Variants in LIMCH1 observed in about 807,000 individuals in gnomAD.
The protein encoded by LIMCH1 is LIM and calponin homology domains-containing protein 1.
LIMCH1 carries 113 observed loss-of-function variants against 176.5 expected under a neutral mutation model. That is an observed-to-expected ratio of 0.64 (90% CI 0.55 to 0.75). The LOEUF (loss-of-function observed/expected upper bound fraction) is 0.75. LIMCH1 is among the 30% of genes least tolerant of loss of function. LIMCH1 has a pLI of 0.00. For missense variants in LIMCH1, 1,674 were observed against 1,814.9 expected, an observed-to-expected ratio of 0.92 and a Z score of 1.41; for synonymous variants, 619 against 645.9, an observed-to-expected ratio of 0.96 and a Z score of 0.63.
In LIMCH1 at chr4:41,680,050, A is replaced by G. The variant is rs200274033; in HGVS notation, c.3564A>G (p.Glu1188=). Residue 1188 remains glutamate, a synonymous_variant, in exon 24 of 32, where the codon GAA becomes GAG. Transcript: ENST00000503057. ...AGGACAAGCTGAAAGAAGAGTGGGA[A>G]AAGGCCCAAAAGGAGGTGGAAGAGG... is the stretch of plus-strand genomic sequence containing the variant. ...KEQDKLKEEW[E]KAQKEVEEEE... is the part of the protein sequence containing the mutation. 1.6e-5 allele frequency: 26 copies of G among 1,610,666 alleles called. No homozygotes were observed. The East Asian group carries it at 4.7e-4, about 29-fold the overall frequency.
chr4:41,578,238 A>G (rs1490721184), intron 1 of LIMCH1, among the ~76,000 whole-genome samples: 3 of 152,178 alleles, frequency 2.0e-5, no homozygotes, highest in South Asian at 2.1e-4. Flanking sequence ...CACATCTTAC[A>G]TGGCAGCAGG....
chr4:41,502,998 T>TGTCC (rs1554075717), intron 2 of LIMCH1, among the ~76,000 whole-genome samples: 5 of 60,682 alleles, frequency 8.2e-5, no homozygotes, highest in African/African-American at 2.6e-4. Context: ...CTGGTCTGTC[T>TGTCC]GTCCATCCAT....
At chr4:41,621,977 T>A (rs1561957316) in intron 7 of LIMCH1, among the ~76,000 whole-genome samples, 6 of 145,792 alleles carry the variant, frequency 4.1e-5, no homozygotes, top group African/African-American at 1.5e-4. Flanking sequence ...ACCTTTGTAT[T>A]AAAAAAAAAA....
At chr4:41,403,375 G>A (rs1210154603) in intron 1 of LIMCH1, among the ~76,000 whole-genome samples, 6 of 152,122 alleles carry the variant, frequency 3.9e-5, no homozygotes, top group Admixed American at 3.9e-4. Flanking sequence ...GAGCTCAGGA[G>A]TTCAAGACCA....
At chr4:41,648,284 T>G (rs979237940) in intron 17 of LIMCH1, among the ~76,000 whole-genome samples, 1 of 152,186 alleles carries the variant, frequency 6.6e-6, no homozygotes. Flanking sequence ...ATCTAAATAG[T>G]GCAAAGTGAT....
At chr4:41,596,658 A>G (rs1023880691) in intron 1 of LIMCH1, among the ~76,000 whole-genome samples, 1 of 152,160 alleles carries the variant, frequency 6.6e-6, no homozygotes, top group African/African-American at 2.4e-5. Flanking sequence ...TTTTCTACCT[A>G]GGACAGTGTC....
chr4:41,416,183 C>T (rs183501940), intron 1 of LIMCH1, among the ~76,000 whole-genome samples: 5 of 152,286 alleles, frequency 3.3e-5, no homozygotes, highest in African/African-American at 1.2e-4. Context: ...ATGAACCTCA[C>T]ACCTGATTTG....
chr4:41,695,235 A>C (rs1380322012), intron 31 of LIMCH1, among the ~76,000 whole-genome samples: 1 of 151,244 alleles, frequency 6.6e-6, no homozygotes, highest in Non-Finnish European at 1.5e-5. Context: ...ATATAAAAGA[A>C]ATATATGTTT....
At chr4:41,617,672 A>AT (rs1044949241) in intron 5 of LIMCH1, among the ~76,000 whole-genome samples, 2 of 152,228 alleles carry the variant, frequency 1.3e-5, no homozygotes, top group Non-Finnish European at 2.9e-5. Flanking sequence ...TTTCATCTGC[A>AT]ACAATGAACA....
intron 18 of LIMCH1, among the ~76,000 whole-genome samples, chr4:41,654,785 G>A (rs1246908603): frequency 6.6e-6 from 1 of 152,168 alleles, no homozygotes; most frequent in Non-Finnish European, 1.5e-5. Context: ...AAGAGGTGAT[G>A]AGGGTGCTGT....
intron 1 of LIMCH1, among the ~76,000 whole-genome samples, chr4:41,419,688 CTTCCTTCCTTCCT>C (rs1561312526): frequency 6.0e-5 from 5 of 82,778 alleles, no homozygotes; most frequent in African/African-American, 1.9e-4. Context: ...TTCCTCCTTC[CTTCCTTCCTTCCT>C]TCCTTCCTTC....
chr4:41,419,561 C>CCCTTCCTTCCTTCCGTCCTTCCTT (rs1561308553), intron 1 of LIMCH1, among the ~76,000 whole-genome samples: 31 of 116,276 alleles, frequency 2.7e-4, no homozygotes, highest in Non-Finnish European at 3.8e-4. Flanking sequence ...CTTTCCTTTC[C>CCCTTCCTTCCTTCCGTCCTTCCTT]CCTTCCTTCC....
chr4:41,465,343 T>A (rs1422229843), intron 1 of LIMCH1, among the ~76,000 whole-genome samples: 1 of 152,050 alleles, frequency 6.6e-6, no homozygotes, highest in African/African-American at 2.4e-5. Context: ...ACTCATCAAG[T>A]GGTGATGAGT....
At chr4:41,399,866 TA>T (rs2058213275) in intron 1 of LIMCH1, among the ~76,000 whole-genome samples, 2 of 141,040 alleles carry the variant, frequency 1.4e-5, no homozygotes, top group Non-Finnish European at 3.1e-5. Flanking sequence ...GTATTTTTAG[TA>T]GAGATGGGGT....
chr4:41,419,172 T>C (rs1368965853), intron 1 of LIMCH1, among the ~76,000 whole-genome samples: 5 of 85,182 alleles, frequency 5.9e-5, no homozygotes, highest in Non-Finnish European at 1.1e-4. Flanking sequence ...TATTTCATTT[T>C]ATTTTATTTA....
intron 1 of LIMCH1, chr4:41,494,422 C>T: frequency 1.5e-6 from 1 of 661,916 alleles, no homozygotes; most frequent in Non-Finnish European, 2.6e-6. Flanking sequence ...TACATATATA[C>T]ACATACATAG....
chr4:41,645,275 G>A, intron 15 of LIMCH1, among the ~76,000 whole-genome samples: 1 of 152,214 alleles, frequency 6.6e-6, no homozygotes, highest in Non-Finnish European at 1.5e-5. Context: ...AAGCACTCTG[G>A]AGGTAGCTAT....
At chr4:41,656,428 A>G (rs1273754004) in intron 18 of LIMCH1, among the ~76,000 whole-genome samples, 2 of 152,260 alleles carry the variant, frequency 1.3e-5, no homozygotes, top group Admixed American at 6.5e-5. Flanking sequence ...TTAGATAAAG[A>G]TAAAGATGCA....
intron 1 of LIMCH1, chr4:41,389,271 T>G (rs535733527): frequency 7.2e-5 from 11 of 152,520 alleles, no homozygotes; most frequent in African/African-American, 2.6e-4. Context: ...AACCAGTGGT[T>G]GGAAATGTCT....
Sources: gnomAD v4.1 joint callset for allele counts (sites outside exome capture counted in the v4.1 genomes callset) on GRCh38, gnomAD v4.1.1 for gene constraint, MANE v1.5 for transcripts, NCBI Gene and HGNC (gene_info 2026-07-23, HGNC 2026-07-21) for gene names.